Variants in SLAMF1 observed in about 807,000 individuals in gnomAD.
SLAMF1 encodes the protein signaling lymphocytic activation molecule family member 1.
SLAMF1 carries 18 observed loss-of-function variants against 35.1 expected under a neutral mutation model. The ratio of observed to expected loss-of-function variants is 0.51; its 90% CI spans 0.35 to 0.76. The LOEUF (loss-of-function observed/expected upper bound fraction) is 0.76. Ranked by LOEUF, SLAMF1 falls within the 30% of genes least tolerant of loss-of-function variation. The probability of loss-of-function intolerance (pLI) is 0.01; values close to 1 mark genes in which losing one functional copy is unlikely to be tolerated. For synonymous variants in SLAMF1, 168 were observed against 157.2 expected (o/e 1.07, Z -0.51); for missense variants, 392 against 413.0 (o/e 0.95, Z 0.44).
intron 1 of SLAMF1, among the ~76,000 whole-genome samples, chr1:160,645,950 G>GC (rs1392972592): frequency 2.6e-5 from 4 of 152,060 alleles, no homozygotes; most frequent in Non-Finnish European, 5.9e-5. Flanking sequence ...TGTCCGTAAT[G>GC]CCACCTCTTC....
intron 4 of SLAMF1, 136 bp from the exon 5 acceptor site, chr1:160,619,985 C>T (rs1400433133): frequency 2.9e-6 from 2 of 689,590 alleles, no homozygotes. Context: ...GAGTCCCAGC[C>T]CCCCTGCACA....
At chr1:160,644,747 C>G (rs1660943614) in intron 1 of SLAMF1, among the ~76,000 whole-genome samples, 1 of 152,144 alleles carries the variant, frequency 6.6e-6, no homozygotes, top group Non-Finnish European at 1.5e-5. Context: ...CATCACATCA[C>G]AGTATTAATA....
chr1:160,641,581 G>A (rs1660748477), intron 1 of SLAMF1, among the ~76,000 whole-genome samples: 1 of 152,172 alleles, frequency 6.6e-6, no homozygotes, highest in South Asian at 2.1e-4. Context: ...CAGTCATGAG[G>A]AGTGGAACCA....
intron 3 of SLAMF1, among the ~76,000 whole-genome samples, chr1:160,631,787 A>G (rs952602642): frequency 6.6e-6 from 1 of 152,182 alleles, no homozygotes; most frequent in East Asian, 1.9e-4. Context: ...CAAACCTGCC[A>G]ACACCTTGAC....
rs1658854250 is a variant in SLAMF1, at chr1:160,609,286, G to C, written c.*1462C>G. On this transcript the variant is annotated 3_prime_UTR_variant, in exon 7 of 7. Transcript: ENST00000302035. ...AAGCATGGTTTTGCAGAAACTTCTA[G>C]CAGTTATTGGAACCAATCAGTATCT... The C allele has an allele frequency of 6.6e-6, 1 of 152,148 alleles. No individual in the cohort carries two copies. Among genetic ancestry groups the C allele is most frequent in the Admixed American group, 6.5e-5 (1 of 15,278 alleles). The allele number at this position is 152,148 out of a possible 1,614,324, so 9.4% of individuals were successfully genotyped here.
rs201725532 is a variant in SLAMF1, at chr1:160,622,586, GTATC to G, written c.790+1506_790+1509del. 3.1e-3 allele frequency among the ~76,000 whole-genome samples: 465 copies of G among 152,148 alleles called. 3 individuals carry two copies. The highest frequency in any genetic ancestry group is 0.01 in the African/African-American group (426 of 41,494). ...TCTGTCTATGTATCTATCTGTCTAT[GTATC>G]TATCTATCTATCACCCATCGATGGG... On this transcript the variant is annotated intron_variant, in intron 4 of 6. Coordinates refer to ENST00000302035, the MANE Select transcript of SLAMF1 (RefSeq NM_003037.5).
chr1:160,630,548 C>T (rs373418621), intron 3 of SLAMF1, among the ~76,000 whole-genome samples: 5 of 152,260 alleles, frequency 3.3e-5, no homozygotes, highest in African/African-American at 1.2e-4. Context: ...AATAAACCCT[C>T]GGACCCCACC....
At chr1:160,621,870 G>GTA (rs1659633137) in intron 4 of SLAMF1, among the ~76,000 whole-genome samples, 1 of 145,910 alleles carries the variant, frequency 6.9e-6, no homozygotes, top group African/African-American at 2.5e-5. Context: ...GTGTGTGTGT[G>GTA]TGTGTGTGTG....
rs1352699428 is a variant in SLAMF1, at chr1:160,608,559, G to A, written c.*2189C>T. The stretch of plus-strand genomic sequence containing the variant: ...TAATGCCAGTGCTGTTTGGTGGGTG[G>A]CCCAAAAGACTCCCTCCCCAGTGAG... On this transcript the variant is annotated 3_prime_UTR_variant, in exon 7 of 7. Coordinates refer to ENST00000302035, the MANE Select transcript of SLAMF1 (RefSeq NM_003037.5). 2 of 152,270 alleles carry A rather than the reference G, an allele frequency of 1.3e-5. No homozygotes were observed. Among genetic ancestry groups the A allele is most frequent in the Non-Finnish European group, 2.9e-5 (2 of 68,118 alleles). 9.4% of individuals were successfully genotyped at this position (152,270 alleles called of 1,614,324 possible).
intron 1 of SLAMF1, among the ~76,000 whole-genome samples, chr1:160,640,608 A>G (rs1430136160): frequency 1.3e-5 from 2 of 152,144 alleles, no homozygotes; most frequent in East Asian, 3.9e-4. Flanking sequence ...GAGCTATTGG[A>G]AAATTGGACA....
At chr1:160,645,255 G>GTCA (rs1487829806) in intron 1 of SLAMF1, among the ~76,000 whole-genome samples, 12 of 152,180 alleles carry the variant, frequency 7.9e-5, no homozygotes, top group Non-Finnish European at 1.2e-4. Context: ...GGGCAAATCT[G>GTCA]TCATGACTAA....
At chr1:160,641,417 T>C (rs1660738288) in intron 1 of SLAMF1, among the ~76,000 whole-genome samples, 1 of 151,510 alleles carries the variant, frequency 6.6e-6, no homozygotes, top group African/African-American at 2.4e-5. Flanking sequence ...TTGGAGTTGA[T>C]TGGGGGAGGA....
At position 160,640,325 on chromosome 1, in the gene SLAMF1, C is replaced by CATATATATATATAT. The variant is rs56785818; in HGVS notation, c.77-2810_77-2797dup. Among the ~76,000 whole-genome samples the CATATATATATATAT allele has an allele frequency of 4.3e-3, 401 of 94,052 alleles. 3 individuals carry two copies. The highest frequency in any genetic ancestry group is 5.3e-3 in the Middle Eastern group (1 of 190). The allele number at this position is 94,052 out of a possible 152,430, so 61.7% of individuals were successfully genotyped here. A position where few individuals can be genotyped will look rare whatever the true frequency, so the allele number is the denominator to read the frequency against. ...CTCTTATTTAGGTTATTAGGTTTGT[C>CATATATATATATAT]ATATATATATATATATATATATATA... On this transcript the variant is annotated intron_variant, in intron 1 of 6. Coordinates refer to ENST00000302035, the MANE Select transcript of SLAMF1 (RefSeq NM_003037.5).
rs1660354249 is a variant in SLAMF1 at position 160,634,899 on chromosome 1, T to G, written c.416-2A>C. 1 of 1,603,680 alleles carries G rather than the reference T, an allele frequency of 6.2e-7. No homozygotes were observed. Among genetic ancestry groups the G allele is most frequent in the South Asian group, 1.1e-5 (1 of 90,484 alleles). On this transcript the variant is annotated splice_acceptor_variant, in intron 2 of 6. Transcript: ENST00000302035. LOFTEE classifies it high-confidence loss of function. ...TAATTTCTGGAGTGGAGACCTGCTCTGTCAGGAGTGGGAGGAAGGGAGCCA... is the reference window on the plus strand; with the variant it reads ...TAATTTCTGGAGTGGAGACCTGCTCGGTCAGGAGTGGGAGGAAGGGAGCCA...
intron 1 of SLAMF1, among the ~76,000 whole-genome samples, chr1:160,646,091 T>G (rs532072828): frequency 6.6e-6 from 1 of 152,300 alleles, no homozygotes; most frequent in East Asian, 1.9e-4. Flanking sequence ...ATAGCCCTGA[T>G]ACTTCTAAAC....
Position 160,637,341 on chromosome 1 carries a change from G to A in SLAMF1, c.265C>T (p.Pro89Ser), listed in dbSNP as rs775569782. The A allele has an allele frequency of 1.7e-5, 27 of 1,614,112 alleles. No individual in the cohort carries two copies. The highest frequency in any genetic ancestry group is 2.2e-5 in the Non-Finnish European group (26 of 1,179,958). The change falls in exon 2 of 7, where the codon CCA becomes TCA. Residue 89 changes from proline to serine, a missense_variant. By Grantham distance (74) the Pro-to-Ser change is moderately conservative (BLOSUM62 -1). Coordinates refer to ENST00000302035, the MANE Select transcript of SLAMF1 (RefSeq NM_003037.5). ...VSLDPSEAGPPRYLGDRYKFY... is the reference protein window; with the variant it reads ...VSLDPSEAGPSRYLGDRYKFY... ...TTGTAGCGATCTCCTAGATAACGTG[G>A]AGGGCCTGCTTCGGATGGATCAAGA...
At position 160,642,698 on chromosome 1, in the gene SLAMF1, C is replaced by G. The variant is rs995770430; in HGVS notation, c.76+4172G>C. On this transcript the variant is annotated intron_variant, in intron 1 of 6. Transcript: ENST00000302035. This position sits in a 1 kb window ranked among gnomAD's most constrained non-coding sequence, Gnocchi z 4.2. ...AAAAGCAGAATGTACTCTGATTTGC[C>G]TTTATAGTATCCCTAAGAGGTATAT... Among the ~76,000 whole-genome samples, 10 of 152,184 alleles carry G rather than the reference C, an allele frequency of 6.6e-5. No homozygotes were observed. Among genetic ancestry groups the G allele is most frequent in the Admixed American group, 6.5e-4 (10 of 15,274 alleles).
chr1:160,611,745 T>A (rs1456278671), intron 6 of SLAMF1, among the ~76,000 whole-genome samples: 1 of 152,218 alleles, frequency 6.6e-6, no homozygotes, highest in East Asian at 1.9e-4. Context: ...CCATATTCTC[T>A]TCTAGGCTTA....
chr1:160,644,671 G>A (rs1363312228), intron 1 of SLAMF1, among the ~76,000 whole-genome samples: 1 of 152,132 alleles, frequency 6.6e-6, no homozygotes, highest in Non-Finnish European at 1.5e-5. Flanking sequence ...TCAAATCTAT[G>A]GATTAAACCA....
Sources: gnomAD v4.1 joint callset for allele counts (sites outside exome capture counted in the v4.1 genomes callset) on GRCh38, gnomAD v4.1.1 for gene constraint, Gnocchi (gnomAD v3.1) non-coding constraint, MANE v1.5 for transcripts, NCBI Gene and HGNC (gene_info 2026-07-23, HGNC 2026-07-21) for gene names.